The following RPS17 variants were observed in gnomAD, a reference collection of about 807,000 sequenced individuals.
RPS17 encodes the protein ribosomal protein S17.
For missense variants in RPS17, 68 were observed against 182.3 expected, an observed-to-expected ratio of 0.37 and a Z score of 3.61; for synonymous variants, 75 against 65.6, an observed-to-expected ratio of 1.14 and a Z score of -0.70.
chr15:82,538,526 C>T (rs1473026358), intron 3 of RPS17, 155 bp from the exon 4 acceptor site: 3 of 836,672 alleles, frequency 3.6e-6, no homozygotes, highest in Non-Finnish European at 6.0e-6. Context: ...GTATTACAGA[C>T]CCCGATGACC....
At position 82,538,992 on chromosome 15, in the gene RPS17, A is replaced by G. The variant is rs2034290434; in HGVS notation, c.156-7T>C. 8 of 1,613,404 alleles carry G rather than the reference A, an allele frequency of 5.0e-6. No individual in the cohort carries two copies. The highest frequency in any genetic ancestry group is 3.3e-5 in the South Asian group (3 of 91,066). Reference sequence around the variant, plus strand: ...CATCAGATGCGTGACATAACTACAAAGCACACACAGCCAAAGAGAACAGTG... The same window carrying G: ...CATCAGATGCGTGACATAACTACAAGGCACACACAGCCAAAGAGAACAGTG... On this transcript the variant is annotated splice_region_variant and splice_polypyrimidine_tract_variant and intron_variant, in intron 2 of 4. Transcript: ENST00000647841.
At chr15:82,539,441 A>G in intron 2 of RPS17, 1 of 459,624 alleles carries the variant, frequency 2.2e-6, no homozygotes, top group South Asian at 1.5e-5. Flanking sequence ...TAATCCCAGC[A>G]ATTTGGGAGG....
rs2034318038 is a variant in RPS17 at position 82,540,013 on chromosome 15, G to A, written c.123C>T (p.Ile41=). 1.1e-5 allele frequency: 18 copies of A among 1,612,210 alleles called. No homozygotes were observed. Among genetic ancestry groups the A allele is most frequent in the Non-Finnish European group, 1.5e-5 (18 of 1,179,870 alleles). ...TCTTGTTGCGGAGCTTTTTGCTGGGGATAATGGCGATCTCCTCGCACACGC... is the reference window on the plus strand; with the variant it reads ...TCTTGTTGCGGAGCTTTTTGCTGGGAATAATGGCGATCTCCTCGCACACGC... ...NKRVCEEIAI[I]PSKKLRNKIA... Residue 41 remains isoleucine, a synonymous_variant, in exon 2 of 5, where the codon ATC becomes ATT. Coordinates refer to ENST00000647841, the MANE Select transcript of RPS17 (RefSeq NM_001021.6).
intron 2 of RPS17, chr15:82,539,756 G>A: frequency 1.4e-6 from 1 of 719,294 alleles, no homozygotes; most frequent in Non-Finnish European, 2.4e-6. Context: ...AAAGCAAGAG[G>A]TCTGACGGTG....
intron 3 of RPS17, 132 bp downstream of exon 3, chr15:82,538,748 G>A: frequency 1.1e-6 from 1 of 951,790 alleles, no homozygotes; most frequent in African/African-American, 1.6e-5. Flanking sequence ...GGGGGCCTAT[G>A]GGCACCCACA....
intron 2 of RPS17, chr15:82,539,761 A>G: frequency 1.4e-6 from 1 of 740,584 alleles, no homozygotes; most frequent in South Asian, 1.6e-5. Context: ...AAGAGGTCTG[A>G]CGGTGGCTAC....
chr15:82,540,433 G>C lies in RPS17; in HGVS notation c.-5C>G, dbSNP rs895477414. ...TCGAGCCAAAACACCTACCATGTTG[G>C]CGGGTCCTTGGTAAAAGAGGAAACA... On this transcript the variant is annotated 5_prime_UTR_variant, in exon 1 of 5. Coordinates refer to ENST00000647841, the MANE Select transcript of RPS17 (RefSeq NM_001021.6). 3.1e-6 allele frequency: 5 copies of C among 1,594,780 alleles called. No homozygotes were observed. The highest frequency in any genetic ancestry group is 1.8e-5 in the Admixed American group (1 of 55,482).
At chr15:82,539,708 GA>G (rs1418999933) in intron 2 of RPS17, 3 of 592,294 alleles carry the variant, frequency 5.1e-6, no homozygotes, top group Non-Finnish European at 3.0e-6. Flanking sequence ...AGAAAAAAAA[GA>G]AAGAAAAAAG....
At chr15:82,539,073 G>C in intron 2 of RPS17, 88 bp from the exon 3 acceptor site, 1 of 1,291,312 alleles carries the variant, frequency 7.7e-7, no homozygotes, top group Admixed American at 1.7e-5. Flanking sequence ...ATAAATACCC[G>C]CTTTAGTTCT....
chr15:82,539,223 CAACTCGCCCCGCCCCG>C, intron 2 of RPS17: 1 of 666,074 alleles, frequency 1.5e-6, no homozygotes, highest in African/African-American at 1.8e-5. Flanking sequence ...GCCCCACCCC[CAACTCGCCCCGCCCCG>C]CCCCGCAGTT....
intron 3 of RPS17, 44 bp downstream of exon 3, chr15:82,538,836 T>A (rs892997343): frequency 1.4e-5 from 23 of 1,594,048 alleles, no homozygotes; most frequent in Non-Finnish European, 1.6e-5. Flanking sequence ...CATAGCTTTA[T>A]CATTTGAGGA....
At position 82,536,900 on chromosome 15, in the gene RPS17, TTCAG is replaced by T. The variant is rs1429301541; in HGVS notation, c.328-23_328-20del. ...CGAAGTCCTGGAACGAGAAAATGGATTCAGTGAGCAGTTACTGGTGAGATCTGTG... is the reference window on the plus strand; with the variant it reads ...CGAAGTCCTGGAACGAGAAAATGGATTGAGCAGTTACTGGTGAGATCTGTG... On this transcript the variant is annotated intron_variant, in intron 4 of 4. Coordinates refer to ENST00000647841, the MANE Select transcript of RPS17 (RefSeq NM_001021.6). 12 of 1,613,746 alleles carry T rather than the reference TTCAG, an allele frequency of 7.4e-6. No homozygotes were observed. The highest frequency in any genetic ancestry group is 3.3e-4 in the Middle Eastern group (2 of 6,078).
chr15:82,538,445 G>A, intron 3 of RPS17, 74 bp from the exon 4 acceptor site: 1 of 1,525,314 alleles, frequency 6.6e-7, no homozygotes, highest in Non-Finnish European at 9.1e-7. Context: ...CCTCTCCCCA[G>A]GTTCTTAAAT....
intron 3 of RPS17, 52 bp downstream of exon 3, chr15:82,538,828 T>A: frequency 6.3e-7 from 1 of 1,584,880 alleles, no homozygotes; most frequent in Non-Finnish European, 8.7e-7. Flanking sequence ...CAAGAACCCA[T>A]AGCTTTATCA....
chr15:82,538,461 GA>G, intron 3 of RPS17, 90 bp from the exon 4 acceptor site: 1 of 1,402,790 alleles, frequency 7.1e-7, no homozygotes, highest in East Asian at 2.3e-5. Flanking sequence ...TAAATATGGG[GA>G]AGAGGAGCTG....
intron 3 of RPS17, 29 bp downstream of exon 3, chr15:82,538,851 C>T (rs967364693): frequency 1.9e-6 from 3 of 1,609,264 alleles, no homozygotes; most frequent in African/African-American, 2.7e-5. Context: ...TGAGGATTAG[C>T]CAGAAGCCCA....
intron 4 of RPS17, chr15:82,538,075 GA>G: frequency 1.7e-6 from 1 of 589,032 alleles, no homozygotes; most frequent in Non-Finnish European, 3.3e-6. Context: ...AGCCAAGAGA[GA>G]AAAGGTGTCC....
Position 82,540,019 on chromosome 15 carries a change from G to A in RPS17, c.117C>T (p.Ala39=), listed in dbSNP as rs1188079841. The stretch of plus-strand genomic sequence containing the variant: ...TGCGGAGCTTTTTGCTGGGGATAAT[G>A]GCGATCTCCTCGCACACGCGCTTGT... ...HTNKRVCEEI[A]IIPSKKLRNK... The change falls in exon 2 of 5, where the codon GCC becomes GCT. Residue 39 remains alanine, a synonymous_variant. Transcript: ENST00000647841. The A allele has an allele frequency of 1.1e-5, 18 of 1,612,168 alleles. No individual in the cohort carries two copies. The highest frequency in any genetic ancestry group is 2.2e-4 in the Middle Eastern group (1 of 4,624).
At chr15:82,540,248 GC>G in intron 1 of RPS17, 116 bp from the exon 2 acceptor site, 1 of 1,606,330 alleles carries the variant, frequency 6.2e-7, no homozygotes. Flanking sequence ...GCCGGAGAGG[GC>G]CCGGCTAAAC....
Sources: allele counts gnomAD v4.1 joint callset, GRCh38; gene constraint gnomAD v4.1.1; transcripts MANE v1.5; gene names NCBI Gene and HGNC (gene_info 2026-07-23, HGNC 2026-07-21).